Variants in RALYL observed in about 807,000 individuals in gnomAD.
RALYL encodes RNA-binding Raly-like protein.
RALYL carries 29 observed loss-of-function variants against 35.1 expected under a neutral mutation model. The ratio of observed to expected loss-of-function variants is 0.83; its 90% CI spans 0.61 to 1.13. The LOEUF (loss-of-function observed/expected upper bound fraction) is 1.13, where lower values mean the gene tolerates loss of function less well. Ranked by LOEUF, RALYL falls within the 50% of genes most tolerant of loss-of-function variation. The probability of loss-of-function intolerance (pLI) is 0.00; values close to 1 mark genes in which losing one functional copy is unlikely to be tolerated. For missense variants in RALYL, 359 were observed against 360.4 expected (o/e 1.00, Z 0.03); for synonymous variants, 120 against 127.6 (o/e 0.94, Z 0.40).
chr8:84,547,424 T>G (rs921885149), intron 2 of RALYL, among the ~76,000 whole-genome samples: 18 of 152,096 alleles, frequency 1.2e-4, no homozygotes, highest in Admixed American at 6.6e-5. Context: ...GTGGCCAGGC[T>G]GGAGTGCAGT....
intron 4 of RALYL, among the ~76,000 whole-genome samples, chr8:84,832,376 A>G (rs566253928): frequency 6.6e-6 from 1 of 152,182 alleles, no homozygotes; most frequent in South Asian, 2.1e-4. Flanking sequence ...TCTTTTTCTA[A>G]TGAGATTAGG....
At chr8:84,286,376 A>G (rs1165181491) in intron 1 of RALYL, among the ~76,000 whole-genome samples, 2 of 152,210 alleles carry the variant, frequency 1.3e-5, no homozygotes, top group Non-Finnish European at 2.9e-5. Context: ...TGTGGGTACA[A>G]TGAGGCAAGA....
intron 1 of RALYL, among the ~76,000 whole-genome samples, chr8:84,468,228 C>A (rs940547589): frequency 4.0e-5 from 6 of 151,826 alleles, no homozygotes; most frequent in Non-Finnish European, 7.4e-5. Context: ...GATGCAGTTT[C>A]TTCCTAGTCT....
chr8:84,312,029 C>T (rs574695463), intron 1 of RALYL, among the ~76,000 whole-genome samples: 1 of 152,264 alleles, frequency 6.6e-6, no homozygotes, highest in African/African-American at 2.4e-5. Context: ...TTAATTGACT[C>T]ACAATTCTGC....
intron 1 of RALYL, among the ~76,000 whole-genome samples, chr8:84,403,429 T>G (rs2043123177): frequency 6.6e-6 from 1 of 151,936 alleles, no homozygotes; most frequent in African/African-American, 2.4e-5. Context: ...CTTACCCCAT[T>G]GCTTGTTTTC....
intron 8 of RALYL, among the ~76,000 whole-genome samples, chr8:84,894,600 G>A (rs1428375896): frequency 6.6e-6 from 1 of 152,238 alleles, no homozygotes; most frequent in East Asian, 1.9e-4. Context: ...TGACCTGCAT[G>A]GGTCATGCAT....
At chr8:84,847,292 C>G (rs1416223564) in intron 4 of RALYL, among the ~76,000 whole-genome samples, 1 of 152,220 alleles carries the variant, frequency 6.6e-6, no homozygotes, top group Non-Finnish European at 1.5e-5. Context: ...GTTTGCCCCA[C>G]AGTCACTTCA....
chr8:84,658,803 G>A (rs529972139), intron 2 of RALYL, among the ~76,000 whole-genome samples: 18 of 152,124 alleles, frequency 1.2e-4, no homozygotes, highest in Admixed American at 3.9e-4. Flanking sequence ...GGGACGTATT[G>A]AAAGAGGAAT....
At chr8:84,476,234 A>G (rs1397622755) in intron 1 of RALYL, among the ~76,000 whole-genome samples, 1 of 152,148 alleles carries the variant, frequency 6.6e-6, no homozygotes, top group Non-Finnish European at 1.5e-5. Context: ...AGATGAATCT[A>G]ATTCTATTTC....
chr8:84,539,816 T>C (rs1164416475), intron 2 of RALYL, among the ~76,000 whole-genome samples: 60 of 142,130 alleles, frequency 4.2e-4, no homozygotes, highest in African/African-American at 1.5e-3. Context: ...TGAATATATA[T>C]TAAGTGATCA....
At chr8:84,848,857 T>C (rs1835228353) in intron 4 of RALYL, among the ~76,000 whole-genome samples, 1 of 152,172 alleles carries the variant, frequency 6.6e-6, no homozygotes, top group South Asian at 2.1e-4. Context: ...TTTAAATTAC[T>C]CCCCTGTGGT....
chr8:84,816,240 A>T (rs1827266115), intron 4 of RALYL, among the ~76,000 whole-genome samples: 1 of 152,118 alleles, frequency 6.6e-6, no homozygotes, highest in Non-Finnish European at 1.5e-5. Context: ...CATGTCAAAA[A>T]ATGCATGAAG....
At position 84,756,167 on chromosome 8, in the gene RALYL, C is replaced by A. The variant is rs560016100; in HGVS notation, c.257-18412C>A. On this transcript the variant is annotated intron_variant, in intron 2 of 8. Transcript: ENST00000521268. ...TATGGCACCTATTTCTCATCCCCCCCAAAAAAACCAATAAGATTATTTGAA... is the reference window on the plus strand; with the variant it reads ...TATGGCACCTATTTCTCATCCCCCCAAAAAAAACCAATAAGATTATTTGAA... Among the ~76,000 whole-genome samples the A allele has an allele frequency of 1.1e-4, 16 of 151,892 alleles. No homozygotes were observed. In the East Asian group the frequency reaches 1.4e-3, roughly 13 times the overall value.
intron 1 of RALYL, among the ~76,000 whole-genome samples, chr8:84,211,345 T>C (rs1256201798): frequency 6.6e-6 from 1 of 152,168 alleles, no homozygotes; most frequent in Non-Finnish European, 1.5e-5. Context: ...TCATTTGAAA[T>C]GCACAACTAC....
At chr8:84,547,852 C>T (rs2060468147) in intron 2 of RALYL, among the ~76,000 whole-genome samples, 1 of 152,000 alleles carries the variant, frequency 6.6e-6, no homozygotes, top group Non-Finnish European at 1.5e-5. Flanking sequence ...GGGTCCTTAC[C>T]CAGGTTTCCA....
intron 1 of RALYL, among the ~76,000 whole-genome samples, chr8:84,349,892 G>T (rs770104311): frequency 5.3e-5 from 8 of 150,102 alleles, no homozygotes; most frequent in Non-Finnish European, 1.2e-4. Context: ...CATCATTTTG[G>T]TCATCATTGT....
chr8:84,662,104 G>C (rs1564330596), intron 2 of RALYL, among the ~76,000 whole-genome samples: 1 of 152,004 alleles, frequency 6.6e-6, no homozygotes, highest in Non-Finnish European at 1.5e-5. Context: ...CTCTTTTCTA[G>C]CTCCCTTAAT....
rs1022462338 is a variant in RALYL at position 84,624,546 on chromosome 8, C to A, written c.256+94969C>A. Among the ~76,000 whole-genome samples the A allele has an allele frequency of 8.5e-5, 13 of 152,248 alleles. No homozygotes were observed. The East Asian group carries it at 2.1e-3, about 25-fold the overall frequency. On this transcript the variant is annotated intron_variant, in intron 2 of 8. Coordinates refer to ENST00000521268, the MANE Select transcript of RALYL (RefSeq NM_173848.7). Reference sequence around the variant, plus strand: ...TGACTGACTGCACTTAGAAAAGGTTCTCTGCTTTTAAGGATGCATGTGATT... The same window carrying A: ...TGACTGACTGCACTTAGAAAAGGTTATCTGCTTTTAAGGATGCATGTGATT...
Position 84,774,652 on chromosome 8 carries a change from C to T in RALYL, c.330C>T (p.Tyr110=). The change falls in exon 3 of 9, where the codon TAC becomes TAT. Residue 110 remains tyrosine (Y), a splice_region_variant and synonymous_variant. Coordinates refer to ENST00000521268, the MANE Select transcript of RALYL (RefSeq NM_173848.7). The stretch of plus-strand genomic sequence containing the variant: ...ACAAGAGGCCCCTTTCTGCACTTTA[C>T]AGGTAAGTAGATAAGCACTGTTTTA... ...PGNKRPLSAL[Y]RLESKEPFLS... is the part of the protein sequence containing the mutation. 1 of 1,603,502 alleles carries T rather than the reference C, an allele frequency of 6.2e-7. No individual in the cohort carries two copies. Among genetic ancestry groups the T allele is most frequent in the African/African-American group, 1.3e-5 (1 of 74,804 alleles).
Sources: gnomAD v4.1 joint callset for allele counts (sites outside exome capture counted in the v4.1 genomes callset) on GRCh38, gnomAD v4.1.1 for gene constraint, MANE v1.5 for transcripts, NCBI Gene and HGNC (gene_info 2026-07-23, HGNC 2026-07-21) for gene names.